The following BRINP3 variants were observed in gnomAD, a reference collection of about 807,000 sequenced individuals.
BRINP3 encodes BMP/retinoic acid inducible neural specific 3, also known as BMP/retinoic acid-inducible neural-specific protein 3.
Under a neutral mutation model 71.0 loss-of-function variants are expected in BRINP3, and 19 were observed. That is an observed-to-expected ratio of 0.27 (90% CI 0.19 to 0.39). BRINP3 has a LOEUF of 0.39. BRINP3 is among the 10% of genes least tolerant of loss of function. The probability of loss-of-function intolerance (pLI) is 1.00; values close to 1 mark genes in which losing one functional copy is unlikely to be tolerated. For missense variants in BRINP3, 959 were observed against 940.8 expected (o/e 1.02, Z -0.25); for synonymous variants, 380 against 337.7 (o/e 1.13, Z -1.37).
At position 190,159,050 on chromosome 1, in the gene BRINP3, G is replaced by A. The variant is rs533208390; in HGVS notation, c.1184+1618C>T. 1.8e-3 allele frequency among the ~76,000 whole-genome samples: 276 copies of A among 152,136 alleles called. 3 individuals are homozygous for A. The highest frequency in any genetic ancestry group is 6.2e-3 in the African/African-American group (257 of 41,556). On this transcript the variant is annotated intron_variant, in intron 7 of 7. Coordinates refer to ENST00000367462, the MANE Select transcript of BRINP3 (RefSeq NM_199051.3). ...CAAAAAAATATTGAAATCTGTGAAGGATTTGAATAGACATTTTTCCATAAA... is the reference window on the plus strand; with the variant it reads ...CAAAAAAATATTGAAATCTGTGAAGAATTTGAATAGACATTTTTCCATAAA...
intron 2 of BRINP3, among the ~76,000 whole-genome samples, chr1:190,427,920 G>A (rs1285271536): frequency 6.7e-6 from 1 of 148,914 alleles, no homozygotes; most frequent in African/African-American, 2.5e-5. Flanking sequence ...AAAGACCACA[G>A]TGTGTGCTCT....
At chr1:190,337,504 G>A (rs1667367799) in intron 2 of BRINP3, among the ~76,000 whole-genome samples, 1 of 151,998 alleles carries the variant, frequency 6.6e-6, no homozygotes, top group Non-Finnish European at 1.5e-5. Context: ...ACATGGAAGG[G>A]CTAGACTGGC....
intron 2 of BRINP3, among the ~76,000 whole-genome samples, chr1:190,432,405 G>C (rs917743147): frequency 6.6e-6 from 1 of 152,056 alleles, no homozygotes; most frequent in Non-Finnish European, 1.5e-5. Context: ...ACTCACCCTT[G>C]AGCCATTAAA....
At chr1:190,262,644 C>T (rs1021048575) in intron 4 of BRINP3, among the ~76,000 whole-genome samples, 4 of 152,130 alleles carry the variant, frequency 2.6e-5, no homozygotes, top group Non-Finnish European at 5.9e-5. Context: ...CCATGGTTAA[C>T]GGACAATGGG....
intron 4 of BRINP3, among the ~76,000 whole-genome samples, chr1:190,253,431 C>T (rs1233779753): frequency 6.6e-6 from 1 of 152,148 alleles, no homozygotes; most frequent in Non-Finnish European, 1.5e-5. Context: ...TCCTCTCCAG[C>T]ATCTGTTGTT....
intron 7 of BRINP3, among the ~76,000 whole-genome samples, chr1:190,106,866 C>A (rs1652217348): frequency 6.6e-6 from 1 of 151,732 alleles, no homozygotes; most frequent in African/African-American, 2.4e-5. Context: ...TCTTGTTGAA[C>A]ATTGAAAACC....
At chr1:190,411,873 T>C (rs1401263235) in intron 2 of BRINP3, among the ~76,000 whole-genome samples, 1 of 152,130 alleles carries the variant, frequency 6.6e-6, no homozygotes, top group East Asian at 1.9e-4. Context: ...AAGATGGATG[T>C]AGGAACAGCA....
At chr1:190,392,292 A>C (rs970507969) in intron 2 of BRINP3, among the ~76,000 whole-genome samples, 8 of 151,676 alleles carry the variant, frequency 5.3e-5, no homozygotes, top group Non-Finnish European at 1.2e-4. Context: ...ATATCATCTA[A>C]AATTTTTAGT....
At chr1:190,177,528 G>A (rs1476427193) in intron 6 of BRINP3, among the ~76,000 whole-genome samples, 2 of 151,498 alleles carry the variant, frequency 1.3e-5, no homozygotes, top group Non-Finnish European at 2.9e-5. Flanking sequence ...GAAAGAAAAG[G>A]TTACGTAGTG....
At chr1:190,177,329 ATTTTTTTTTT>A (rs11307442) in intron 6 of BRINP3, among the ~76,000 whole-genome samples, 1 of 98,696 alleles carries the variant, frequency 1.0e-5, no homozygotes, top group Admixed American at 1.1e-4. Flanking sequence ...TGCCTGGATA[ATTTTTTTTTT>A]TTTTTTTTTT....
chr1:190,173,737 T>C (rs1483298138), intron 6 of BRINP3, among the ~76,000 whole-genome samples: 1 of 152,200 alleles, frequency 6.6e-6, no homozygotes, highest in Non-Finnish European at 1.5e-5. Flanking sequence ...TTCATATAAG[T>C]AACATATTTT....
At chr1:190,308,662 T>C (rs1435664741) in intron 2 of BRINP3, among the ~76,000 whole-genome samples, 2 of 151,892 alleles carry the variant, frequency 1.3e-5, no homozygotes, top group South Asian at 2.1e-4. Flanking sequence ...AAAAGGATTG[T>C]TGTTAATACA....
chr1:190,266,124 A>G (rs1661641271), intron 3 of BRINP3, among the ~76,000 whole-genome samples: 1 of 152,216 alleles, frequency 6.6e-6, no homozygotes, highest in Admixed American at 6.5e-5. Flanking sequence ...ATACTCATCT[A>G]GCACATAATT....
chr1:190,276,374 C>G (rs1167574523), intron 3 of BRINP3, among the ~76,000 whole-genome samples: 5 of 151,580 alleles, frequency 3.3e-5, no homozygotes, highest in Non-Finnish European at 5.9e-5. Context: ...TAAAAACTGT[C>G]TGAATACTTT....
chr1:190,462,782 C>A (rs1490797443), intron 1 of BRINP3, among the ~76,000 whole-genome samples: 1 of 151,956 alleles, frequency 6.6e-6, no homozygotes, highest in Non-Finnish European at 1.5e-5. Flanking sequence ...CTACTGTAAC[C>A]TAAAAATAAC....
intron 2 of BRINP3, among the ~76,000 whole-genome samples, chr1:190,402,819 C>T (rs1043317210): frequency 6.6e-6 from 1 of 152,164 alleles, no homozygotes; most frequent in African/African-American, 2.4e-5. Flanking sequence ...GCAGCCTCAA[C>T]CTCCCAGGCT....
At chr1:190,392,097 G>A (rs1431714636) in intron 2 of BRINP3, among the ~76,000 whole-genome samples, 1 of 151,336 alleles carries the variant, frequency 6.6e-6, no homozygotes, top group African/African-American at 2.4e-5. Flanking sequence ...CTCTTCTGGA[G>A]AATAGCTTCA....
chr1:190,399,015 T>C (rs866424398), intron 2 of BRINP3, among the ~76,000 whole-genome samples: 54 of 152,162 alleles, frequency 3.5e-4, no homozygotes, highest in African/African-American at 1.2e-3. Context: ...CTAATATCTA[T>C]TTTTATGTGT....
intron 7 of BRINP3, among the ~76,000 whole-genome samples, chr1:190,145,684 A>T (rs113139842): frequency 6.0e-4 from 91 of 152,322 alleles, no homozygotes; most frequent in African/African-American, 2.1e-3. Context: ...TATCTACCCA[A>T]AGGAAAAGAA....
Sources: allele counts gnomAD v4.1 joint callset (sites outside exome capture counted in the v4.1 genomes callset), GRCh38; gene constraint gnomAD v4.1.1; transcripts MANE v1.5; gene names NCBI Gene and HGNC (gene_info 2026-07-23, HGNC 2026-07-21).